The following PTPRN2 variants were observed in gnomAD, a reference collection of about 807,000 sequenced individuals.
The protein encoded by PTPRN2 is protein tyrosine phosphatase receptor type N2, also known as receptor-type tyrosine-protein phosphatase N2.
A neutral mutation model predicts 118.8 loss-of-function variants in PTPRN2; 74 were observed. The ratio of observed to expected loss-of-function variants is 0.62; its 90% CI spans 0.52 to 0.76. PTPRN2 has a LOEUF of 0.76. Among genes scored for constraint, PTPRN2 ranks in the 30% least tolerant of loss-of-function variants. PTPRN2 has a pLI of 0.00. For synonymous variants in PTPRN2, 641 were observed against 608.0 expected, an observed-to-expected ratio of 1.05 and a Z score of -0.80; for missense variants, 1,481 against 1,394.4, an observed-to-expected ratio of 1.06 and a Z score of -0.99.
chr7:157,577,028 AT>A (rs1585053686), intron 18 of PTPRN2, among the ~76,000 whole-genome samples: 1 of 152,284 alleles, frequency 6.6e-6, no homozygotes, highest in Admixed American at 6.5e-5. Flanking sequence ...GCGTCAAATA[AT>A]TTTTTAAAAG....
intron 3 of PTPRN2, among the ~76,000 whole-genome samples, chr7:158,223,477 G>A (rs1272888380): frequency 6.6e-6 from 1 of 151,994 alleles, no homozygotes; most frequent in African/African-American, 2.4e-5. Flanking sequence ...ACATCATGAG[G>A]TTTATTCCAG....
In PTPRN2 at chr7:157,729,781, C is replaced by T. The variant is rs527758060; in HGVS notation, c.1789-46844G>A. Among the ~76,000 whole-genome samples, 1 of 152,212 alleles carries T rather than the reference C, an allele frequency of 6.6e-6. No homozygotes were observed. The highest frequency in any genetic ancestry group is 1.9e-4 in the East Asian group (1 of 5,174). On this transcript the variant is annotated intron_variant, in intron 12 of 22. Coordinates refer to ENST00000389418, the MANE Select transcript of PTPRN2 (RefSeq NM_002847.5). The surrounding 1 kb of genome is among the most constrained non-coding windows in gnomAD (Gnocchi z 4.3). Reference sequence around the variant, plus strand: ...AGATGGTGCCCAGGTAGTGACTGCACCACACCCATAAGGGCCACCTGCTGG... The same window carrying T: ...AGATGGTGCCCAGGTAGTGACTGCATCACACCCATAAGGGCCACCTGCTGG...
intron 3 of PTPRN2, among the ~76,000 whole-genome samples, chr7:158,213,538 C>T (rs111802400): frequency 0.035 from 5,262 of 152,080 alleles, 320 homozygotes; most frequent in African/African-American, 0.12. Context: ...GAGTATAGGT[C>T]GCTGCAGAAA....
intron 2 of PTPRN2, among the ~76,000 whole-genome samples, chr7:158,359,929 A>G (rs1311010882): frequency 6.6e-6 from 1 of 152,010 alleles, no homozygotes; most frequent in Non-Finnish European, 1.5e-5. Context: ...AGCTGTGGAG[A>G]GTGAGAAGAC....
At chr7:157,840,404 G>A (rs1276325782) in intron 12 of PTPRN2, among the ~76,000 whole-genome samples, 1 of 135,216 alleles carries the variant, frequency 7.4e-6, no homozygotes, top group Non-Finnish European at 1.6e-5. Flanking sequence ...GTGTGACCGT[G>A]TGTGACTGTG....
Position 157,633,269 on chromosome 7 carries a change from T to C in PTPRN2, c.2197-11760A>G, listed in dbSNP as rs151264530. On this transcript the variant is annotated intron_variant, in intron 14 of 22. Coordinates refer to ENST00000389418, the MANE Select transcript of PTPRN2 (RefSeq NM_002847.5). Reference sequence around the variant, plus strand: ...AATCCTCCTGCCTCAGCCTCCCAAGTAGCTAGGACTACAGGTGCAAACCAT... The same window carrying C: ...AATCCTCCTGCCTCAGCCTCCCAAGCAGCTAGGACTACAGGTGCAAACCAT... Among the ~76,000 whole-genome samples, 35 of 152,212 alleles carry C rather than the reference T, an allele frequency of 2.3e-4. 1 individual carries two copies. The East Asian group carries it at 6.8e-3, about 29-fold the overall frequency.
intron 3 of PTPRN2, among the ~76,000 whole-genome samples, chr7:158,263,110 ACAC>A (rs560702775): frequency 0.39 from 57,920 of 149,322 alleles, 11,249 homozygotes; most frequent in African/African-American, 0.46. Flanking sequence ...CTGCACACAC[ACAC>A]TGCACACACA....
chr7:157,594,485 G>T (rs1801171313), intron 17 of PTPRN2, among the ~76,000 whole-genome samples: 3 of 152,220 alleles, frequency 2.0e-5, no homozygotes, highest in Admixed American at 2.0e-4. Context: ...TCCCTGCCTG[G>T]ATTCTGCCGC....
intron 6 of PTPRN2, among the ~76,000 whole-genome samples, chr7:158,152,188 A>C (rs1318273366): frequency 6.6e-6 from 1 of 151,322 alleles, no homozygotes; most frequent in African/African-American, 2.4e-5. Flanking sequence ...AAAAAAAAAA[A>C]AAACCATGAA....
intron 12 of PTPRN2, among the ~76,000 whole-genome samples, chr7:157,852,064 G>C (rs1251637690): frequency 1.3e-5 from 2 of 152,248 alleles, no homozygotes; most frequent in Non-Finnish European, 2.9e-5. Context: ...ATCAGCCTTA[G>C]AGGCAGGTCT....
At chr7:158,149,226 C>G (rs763418995) in intron 6 of PTPRN2, among the ~76,000 whole-genome samples, 13 of 152,154 alleles carry the variant, frequency 8.5e-5, no homozygotes, top group Non-Finnish European at 1.9e-4. Context: ...GACCTGCTCT[C>G]CAAGCTGGCA....
At position 158,341,798 on chromosome 7, in the gene PTPRN2, ACT is replaced by A. The variant is rs1180556924; in HGVS notation, c.164-24868_164-24867del. ...ACCTGCAGACGTCACTCACACCCAC[ACT>A]CTCACCGTAAGAGGTGACACCAGCA... On this transcript the variant is annotated intron_variant, in intron 2 of 22. Coordinates refer to ENST00000389418, the MANE Select transcript of PTPRN2 (RefSeq NM_002847.5). Among the ~76,000 whole-genome samples, 2 of 133,544 alleles carry A rather than the reference ACT, an allele frequency of 1.5e-5. 1 individual carries two copies. Among genetic ancestry groups the A allele is most frequent in the Non-Finnish European group, 3.1e-5 (2 of 63,838 alleles). The allele number at this position is 133,544 out of a possible 152,430, so 87.6% of individuals were successfully genotyped here. A position where few individuals can be genotyped will look rare whatever the true frequency, so the allele number is the denominator to read the frequency against.
chr7:158,103,588 C>T (rs957692426), intron 10 of PTPRN2, among the ~76,000 whole-genome samples: 2 of 152,220 alleles, frequency 1.3e-5, no homozygotes, highest in African/African-American at 2.4e-5. Context: ...TCTGAGGTCA[C>T]TGGCAGTTCC....
At chr7:158,064,422 T>C (rs1185268933) in intron 11 of PTPRN2, among the ~76,000 whole-genome samples, 1 of 152,000 alleles carries the variant, frequency 6.6e-6, no homozygotes, top group Non-Finnish European at 1.5e-5. Flanking sequence ...ATGAGGGAGC[T>C]GTGGGGCCAG....
In PTPRN2 at chr7:157,874,558, G is replaced by A. The variant is rs773654686; in HGVS notation, c.1788+24115C>T. 1.3e-5 allele frequency among the ~76,000 whole-genome samples: 2 copies of A among 152,080 alleles called. No homozygotes were observed. Among genetic ancestry groups the A allele is most frequent in the Admixed American group, 6.5e-5 (1 of 15,272 alleles). ...AGTGAAGCTTCGGGGTCACCTGCAC[G>A]GCCTCTCGTGAGTAGGGGGATTTCC... On this transcript the variant is annotated intron_variant, in intron 12 of 22. Transcript: ENST00000389418. This position sits in a 1 kb window ranked among gnomAD's most constrained non-coding sequence, Gnocchi z 5.8.
intron 2 of PTPRN2, among the ~76,000 whole-genome samples, chr7:158,429,343 C>T (rs1815989298): frequency 6.6e-6 from 1 of 152,250 alleles, no homozygotes; most frequent in Non-Finnish European, 1.5e-5. Context: ...GTGCTAGGCT[C>T]TCCACGCTGG....
At position 158,563,722 on chromosome 7, in the gene PTPRN2, GA is replaced by G. The variant is rs1445596905; in HGVS notation, c.112+23835del. ...AGCACTGATGTGTGAGGGGAGAAGA[GA>G]GGGGCCTTCCATCTAGGGGCACAGT... On this transcript the variant is annotated intron_variant, in intron 1 of 22. Coordinates refer to ENST00000389418, the MANE Select transcript of PTPRN2 (RefSeq NM_002847.5). This position sits in a 1 kb window ranked among gnomAD's most constrained non-coding sequence, Gnocchi z 5.1. Among the ~76,000 whole-genome samples the G allele has an allele frequency of 6.6e-6, 1 of 152,266 alleles. No individual in the cohort carries two copies. The highest frequency in any genetic ancestry group is 1.5e-5 in the Non-Finnish European group (1 of 68,044).
intron 11 of PTPRN2, chr7:158,031,228 T>C (rs1807663800): frequency 6.6e-6 from 1 of 152,224 alleles, no homozygotes; most frequent in Non-Finnish European, 1.5e-5. Flanking sequence ...CTGTGTGATC[T>C]GACAGACGAC....
At chr7:158,071,431 T>C (rs1336869686) in intron 11 of PTPRN2, among the ~76,000 whole-genome samples, 102 of 85,464 alleles carry the variant, frequency 1.2e-3, no homozygotes, top group Admixed American at 2.3e-3. Context: ...GTGGAGGTGC[T>C]CGTGGTGGTG....
Sources: gnomAD v4.1 joint callset for allele counts (sites outside exome capture counted in the v4.1 genomes callset) on GRCh38, gnomAD v4.1.1 for gene constraint, Gnocchi (gnomAD v3.1) non-coding constraint, MANE v1.5 for transcripts, NCBI Gene and HGNC (gene_info 2026-07-23, HGNC 2026-07-21) for gene names.